The following MAD1L1 variants were observed in gnomAD, a reference collection of about 807,000 sequenced individuals.
MAD1L1 encodes the protein mitotic arrest deficient 1 like 1.
A neutral mutation model predicts 96.9 loss-of-function variants in MAD1L1; 95 were observed. That is an observed-to-expected ratio of 0.98 (90% confidence interval 0.83 to 1.16). The LOEUF (loss-of-function observed/expected upper bound fraction) is 1.16. Among genes scored for constraint, MAD1L1 ranks in the 50% most tolerant of loss-of-function variants. The pLI, the probability that MAD1L1 is intolerant of heterozygous loss-of-function variation, is 0.00. For missense variants in MAD1L1, 1,007 were observed against 954.4 expected (o/e 1.06, Z -0.73); for synonymous variants, 473 against 396.6 (o/e 1.19, Z -2.29).
At chr7:2,228,373 C>T (rs984475587) in intron 3 of MAD1L1, among the ~76,000 whole-genome samples, 1 of 151,896 alleles carries the variant, frequency 6.6e-6, no homozygotes, top group Non-Finnish European at 1.5e-5. Context: ...ATTCTCCTGC[C>T]TCAGCCTCCC....
chr7:2,145,722 G>A (rs7811807), intron 11 of MAD1L1, among the ~76,000 whole-genome samples: 9 of 152,066 alleles, frequency 5.9e-5, no homozygotes, highest in African/African-American at 1.2e-4. Context: ...CTCCCTGGGC[G>A]GCCTTCCCTA....
chr7:2,071,221 C>A (rs1418287030), intron 11 of MAD1L1, among the ~76,000 whole-genome samples: 1 of 152,090 alleles, frequency 6.6e-6, no homozygotes, highest in African/African-American at 2.4e-5. Context: ...TAGTAGAAGT[C>A]TTGAAATAAA....
chr7:1,937,523 C>CA (rs1778679916), intron 16 of MAD1L1, among the ~76,000 whole-genome samples: 1 of 152,172 alleles, frequency 6.6e-6, no homozygotes. Flanking sequence ...GACCGACCCC[C>CA]AGCAACAAGC....
intron 16 of MAD1L1, among the ~76,000 whole-genome samples, chr7:1,944,095 G>A (rs1464543105): frequency 6.6e-6 from 1 of 152,062 alleles, no homozygotes; most frequent in Admixed American, 6.5e-5. Context: ...ATGGGCCACG[G>A]GACTCCCTCC....
chr7:2,166,705 C>T (rs1790445569), intron 10 of MAD1L1, among the ~76,000 whole-genome samples: 1 of 152,242 alleles, frequency 6.6e-6, no homozygotes, highest in Non-Finnish European at 1.5e-5. Context: ...CGTGGCCCGG[C>T]CGGCCTGAGG....
intron 18 of MAD1L1, among the ~76,000 whole-genome samples, chr7:1,867,760 G>A (rs1210953054): frequency 1.3e-5 from 2 of 152,234 alleles, no homozygotes; most frequent in Non-Finnish European, 2.9e-5. Flanking sequence ...AGGTGACACA[G>A]TCCCTCATTG....
At chr7:1,889,677 C>A (rs567623169) in intron 18 of MAD1L1, among the ~76,000 whole-genome samples, 2 of 152,254 alleles carry the variant, frequency 1.3e-5, no homozygotes, top group South Asian at 4.1e-4. Flanking sequence ...TGGAGTTACA[C>A]GCTTCTTTCC....
intron 12 of MAD1L1, among the ~76,000 whole-genome samples, chr7:2,025,139 T>C (rs1782944553): frequency 6.6e-6 from 1 of 152,226 alleles, no homozygotes; most frequent in South Asian, 2.1e-4. Context: ...GAAAGAATCA[T>C]ATGAGAGCTC....
intron 14 of MAD1L1, among the ~76,000 whole-genome samples, chr7:2,001,274 C>A (rs1378168254): frequency 6.6e-6 from 1 of 152,286 alleles, no homozygotes; most frequent in South Asian, 2.1e-4. Flanking sequence ...CAGGGCAGAA[C>A]ATGCAGACAC....
chr7:2,148,905 C>A (rs1052758634), intron 11 of MAD1L1, among the ~76,000 whole-genome samples: 3 of 152,220 alleles, frequency 2.0e-5, no homozygotes, highest in Non-Finnish European at 4.4e-5. Context: ...CCCCCAGACC[C>A]CATGGCAGTT....
intron 18 of MAD1L1, among the ~76,000 whole-genome samples, chr7:1,825,071 A>AT (rs1197502294): frequency 6.6e-6 from 1 of 152,170 alleles, no homozygotes; most frequent in Non-Finnish European, 1.5e-5. Context: ...GGTTCTCTGC[A>AT]TTTTCCAGAT....
intron 17 of MAD1L1, among the ~76,000 whole-genome samples, chr7:1,927,084 T>C (rs1223499584): frequency 2.0e-5 from 3 of 152,108 alleles, no homozygotes; most frequent in East Asian, 3.9e-4. Context: ...ACACACGCAC[T>C]GAACACCTGG....
chr7:1,979,624 G>T (rs1198340009), intron 15 of MAD1L1, among the ~76,000 whole-genome samples: 1 of 152,226 alleles, frequency 6.6e-6, no homozygotes, highest in Non-Finnish European at 1.5e-5. Context: ...TAGAAAAGCA[G>T]CCCGGCCTGC....
intron 18 of MAD1L1, among the ~76,000 whole-genome samples, chr7:1,843,401 T>C (rs532654742): frequency 1.3e-5 from 2 of 152,250 alleles, no homozygotes; most frequent in Admixed American, 1.3e-4. Context: ...AGGCTGAACC[T>C]GGGGAAGGGG....
At chr7:2,015,195 T>C (rs1419776304) in intron 12 of MAD1L1, among the ~76,000 whole-genome samples, 1 of 152,172 alleles carries the variant, frequency 6.6e-6, no homozygotes, top group African/African-American at 2.4e-5. Context: ...AGCTGCTGCG[T>C]TCCAATGGGA....
At chr7:1,886,694 G>A (rs1786054172) in intron 18 of MAD1L1, among the ~76,000 whole-genome samples, 1 of 152,400 alleles carries the variant, frequency 6.6e-6, no homozygotes, top group East Asian at 1.9e-4. Context: ...GCCTGAGCCT[G>A]GGCCTGTGAT....
At chr7:2,004,557 C>T (rs528242861) in intron 13 of MAD1L1, among the ~76,000 whole-genome samples, 150 of 152,344 alleles carry the variant, frequency 9.8e-4, no homozygotes, top group African/African-American at 3.3e-3. Context: ...GGACCAACCA[C>T]GCTCTCCTGT....
intron 12 of MAD1L1, among the ~76,000 whole-genome samples, chr7:2,044,738 G>A (rs1016230496): frequency 1.3e-5 from 2 of 152,228 alleles, no homozygotes; most frequent in Non-Finnish European, 2.9e-5. Context: ...GTGAGATTCA[G>A]TGAGGATGAC....
intron 11 of MAD1L1, among the ~76,000 whole-genome samples, chr7:2,128,457 A>C (rs911377704): frequency 2.0e-5 from 3 of 152,174 alleles, no homozygotes; most frequent in African/African-American, 7.2e-5. Flanking sequence ...CAAAAAGCAC[A>C]GAACACGAAC....
Sources: gnomAD v4.1 joint callset for allele counts (sites outside exome capture counted in the v4.1 genomes callset) on GRCh38, gnomAD v4.1.1 for gene constraint, MANE v1.5 for transcripts, NCBI Gene and HGNC (gene_info 2026-07-23, HGNC 2026-07-21) for gene names.